ZBTB7C: variants seen among roughly 807,000 people sequenced by gnomAD.
The protein encoded by ZBTB7C is zinc finger and BTB domain containing 7C.
ZBTB7C carries 8 observed loss-of-function variants against 25.7 expected under a neutral mutation model. The ratio of observed to expected loss-of-function variants is 0.31; its 90% CI spans 0.18 to 0.56. The LOEUF (loss-of-function observed/expected upper bound fraction) is 0.56. Among genes scored for constraint, ZBTB7C ranks in the 20% least tolerant of loss-of-function variants. The probability of loss-of-function intolerance (pLI) is 0.91; values close to 1 mark genes in which losing one functional copy is unlikely to be tolerated. For synonymous variants in ZBTB7C, 394 were observed against 369.0 expected (o/e 1.07, Z -0.78); for missense variants, 824 against 855.2 (o/e 0.96, Z 0.46).
intron 3 of ZBTB7C, among the ~76,000 whole-genome samples, chr18:48,047,446 A>AT (rs996963850): frequency 7.1e-6 from 1 of 139,938 alleles, no homozygotes; most frequent in Non-Finnish European, 1.6e-5. Flanking sequence ...CTAGAAAAAA[A>AT]ATAGAGATGA....
At chr18:48,180,293 A>C in intron 3 of ZBTB7C, 1 of 455,802 alleles carries the variant, frequency 2.2e-6, no homozygotes, top group South Asian at 1.5e-5. Flanking sequence ...ATCTCCCTAG[A>C]CCTTCTTGTT....
At chr18:48,041,748 A>ATTT (rs2036252511) in intron 3 of ZBTB7C, among the ~76,000 whole-genome samples, 1 of 148,238 alleles carries the variant, frequency 6.7e-6, no homozygotes, top group Non-Finnish European at 1.5e-5. Context: ...CCTTTTTTTA[A>ATTT]AAAAAAAACA....
chr18:48,147,124 C>G (rs1202765375), intron 3 of ZBTB7C, among the ~76,000 whole-genome samples: 1 of 152,210 alleles, frequency 6.6e-6, no homozygotes, highest in Admixed American at 6.5e-5. Context: ...GTCACCCAGG[C>G]TGGAGTGCAG....
At chr18:48,288,015 A>G (rs2045108489) in intron 2 of ZBTB7C, among the ~76,000 whole-genome samples, 2 of 152,234 alleles carry the variant, frequency 1.3e-5, no homozygotes, top group African/African-American at 4.8e-5. Context: ...GCTGTCCACC[A>G]TCTCTGCTAC....
intron 3 of ZBTB7C, among the ~76,000 whole-genome samples, chr18:48,093,879 T>C (rs28368314): frequency 0.24 from 36,396 of 151,790 alleles, 4,438 homozygotes; most frequent in Admixed American, 0.28. Flanking sequence ...CATGGTGAAA[T>C]CCCGTCTCTA....
intron 3 of ZBTB7C, among the ~76,000 whole-genome samples, chr18:48,140,763 C>T (rs762295198): frequency 2.6e-5 from 4 of 152,156 alleles, no homozygotes; most frequent in Non-Finnish European, 5.9e-5. Flanking sequence ...AACTCAGCGC[C>T]ACGCTTGCTG....
chr18:48,181,829 T>C (rs4245264), intron 3 of ZBTB7C, among the ~76,000 whole-genome samples: 12,549 of 152,350 alleles, frequency 0.082, 791 homozygotes, highest in Admixed American at 0.21. Flanking sequence ...TGCCTATGCA[T>C]GTTAGATGTG....
intron 3 of ZBTB7C, among the ~76,000 whole-genome samples, chr18:48,044,989 C>G (rs1003557153): frequency 6.6e-6 from 1 of 152,262 alleles, no homozygotes; most frequent in Non-Finnish European, 1.5e-5. Context: ...CCAGGCCATG[C>G]TCCCAACCAC....
chr18:48,396,449 C>T (rs1011337329), intron 1 of ZBTB7C, among the ~76,000 whole-genome samples: 17 of 152,192 alleles, frequency 1.1e-4, no homozygotes, highest in African/African-American at 4.1e-4. Flanking sequence ...GCTCTGAGTC[C>T]ACCACCTACT....
chr18:48,194,218 T>C (rs940534872), intron 2 of ZBTB7C, among the ~76,000 whole-genome samples: 1 of 152,166 alleles, frequency 6.6e-6, no homozygotes, highest in African/African-American at 2.4e-5. Flanking sequence ...TACATTTTAT[T>C]TTTTCTAGAC....
At chr18:48,099,760 C>T (rs1451330174) in intron 3 of ZBTB7C, among the ~76,000 whole-genome samples, 1 of 152,190 alleles carries the variant, frequency 6.6e-6, no homozygotes, top group Non-Finnish European at 1.5e-5. Flanking sequence ...TATCACCCAT[C>T]CATCCCCAGG....
rs2035553851 is a variant in ZBTB7C at position 48,027,225 on chromosome 18, A to G, written c.*2035T>C. The G allele has an allele frequency of 6.6e-6, 1 of 152,184 alleles. No individual in the cohort carries two copies. Among genetic ancestry groups the G allele is most frequent in the African/African-American group, 2.4e-5 (1 of 41,436 alleles). 9.4% of individuals were successfully genotyped at this position (152,184 alleles called of 1,614,324 possible). Reference sequence around the variant, plus strand: ...CATCTTTGGATATTTTACAATGTACAATTCCAAACTGCAGCCAAGAAAAAA... The same window carrying G: ...CATCTTTGGATATTTTACAATGTACGATTCCAAACTGCAGCCAAGAAAAAA... On this transcript the variant is annotated 3_prime_UTR_variant, in exon 5 of 5. Transcript: ENST00000590800.
intron 2 of ZBTB7C, among the ~76,000 whole-genome samples, chr18:48,297,212 T>C (rs1386677439): frequency 1.3e-5 from 2 of 152,244 alleles, no homozygotes; most frequent in African/African-American, 4.8e-5. Flanking sequence ...CTTGGATTTA[T>C]TTTTTATTTT....
In ZBTB7C at chr18:48,117,063, G is replaced by A. The variant is rs117931329; in HGVS notation, c.-17+68871C>T. Among the ~76,000 whole-genome samples the A allele has an allele frequency of 6.1e-3, 930 of 152,116 alleles. 4 individuals carry two copies. The highest frequency in any genetic ancestry group is 8.0e-3 in the Non-Finnish European group (544 of 67,984). The stretch of plus-strand genomic sequence containing the variant: ...GGTTCCAGCAATGCAGCTGGGCTGG[G>A]CGTGGTTAGAGCTGTGAATGTTGGC... On this transcript the variant is annotated intron_variant, in intron 3 of 4. Coordinates refer to ENST00000590800, the MANE Select transcript of ZBTB7C (RefSeq NM_001318841.2).
chr18:48,182,340 C>G (rs992389573), intron 3 of ZBTB7C, among the ~76,000 whole-genome samples: 1 of 152,104 alleles, frequency 6.6e-6, no homozygotes, highest in Admixed American at 6.5e-5. Flanking sequence ...AACATATCTG[C>G]CAGGCCTCCA....
intron 3 of ZBTB7C, among the ~76,000 whole-genome samples, chr18:48,057,904 G>T (rs915559947): frequency 3.2e-4 from 48 of 152,198 alleles, no homozygotes; most frequent in African/African-American, 1.1e-3. Context: ...GGACATTAGA[G>T]GTGGCCCATG....
At chr18:48,395,214 G>A (rs1426370934) in intron 1 of ZBTB7C, among the ~76,000 whole-genome samples, 1 of 151,810 alleles carries the variant, frequency 6.6e-6, no homozygotes, top group Non-Finnish European at 1.5e-5. Flanking sequence ...GACAGTCACT[G>A]TGCTGGGTGC....
intron 2 of ZBTB7C, among the ~76,000 whole-genome samples, chr18:48,260,351 G>C (rs1374345349): frequency 6.6e-6 from 1 of 152,200 alleles, no homozygotes; most frequent in African/African-American, 2.4e-5. Context: ...CTGGGCACTA[G>C]GAGTGGGAGG....
At chr18:48,251,375 C>T (rs1049996871) in intron 2 of ZBTB7C, among the ~76,000 whole-genome samples, 2 of 152,146 alleles carry the variant, frequency 1.3e-5, no homozygotes, top group South Asian at 2.1e-4. Flanking sequence ...GTAAGGACCA[C>T]ACTTGTGATG....
Sources: gnomAD v4.1 joint callset for allele counts (sites outside exome capture counted in the v4.1 genomes callset) on GRCh38, gnomAD v4.1.1 for gene constraint, MANE v1.5 for transcripts, NCBI Gene and HGNC (gene_info 2026-07-23, HGNC 2026-07-21) for gene names.